The following TMCC1 variants were observed in gnomAD, a reference collection of about 807,000 sequenced individuals.
TMCC1 encodes transmembrane and coiled-coil domain family 1, also known as transmembrane and coiled-coil domains protein 1.
Under a neutral mutation model 52.4 loss-of-function variants are expected in TMCC1, and 15 were observed. The observed-to-expected ratio is 0.29, with a 90% CI of 0.19 to 0.44. The LOEUF is 0.44. TMCC1 is among the 20% of genes least tolerant of loss of function. TMCC1 has a pLI of 1.00. For synonymous variants in TMCC1, 279 were observed against 301.9 expected, an observed-to-expected ratio of 0.92 and a Z score of 0.79; for missense variants, 503 against 806.0, an observed-to-expected ratio of 0.62 and a Z score of 4.55.
chr3:129,850,264 A>C (rs952563857), intron 2 of TMCC1, among the ~76,000 whole-genome samples: 4 of 152,222 alleles, frequency 2.6e-5, no homozygotes, highest in Admixed American at 6.5e-5. Flanking sequence ...CTGGGTCAAT[A>C]AAAATTAGAA....
intron 4 of TMCC1, among the ~76,000 whole-genome samples, chr3:129,750,600 G>C (rs1405367740): frequency 1.5e-5 from 2 of 129,258 alleles, no homozygotes; most frequent in African/African-American, 5.8e-5. Context: ...TTTTGAGACA[G>C]AGTCTTGTCT....
At chr3:129,758,941 T>C (rs2053253564) in intron 4 of TMCC1, among the ~76,000 whole-genome samples, 1 of 152,242 alleles carries the variant, frequency 6.6e-6, no homozygotes, top group African/African-American at 2.4e-5. Flanking sequence ...TCATTTAGCA[T>C]GTCTTCAAGG....
intron 4 of TMCC1, among the ~76,000 whole-genome samples, chr3:129,813,507 G>A (rs6805067): frequency 0.63 from 95,493 of 151,980 alleles, 35,241 homozygotes; most frequent in Non-Finnish European, 0.83. Context: ...ATGTCCTTAC[G>A]GAGCTGGAGG....
chr3:129,725,793 C>A (rs1441017479), intron 4 of TMCC1, among the ~76,000 whole-genome samples: 1 of 151,912 alleles, frequency 6.6e-6, no homozygotes, highest in African/African-American at 2.4e-5. Context: ...TGAAAAGAAA[C>A]AACCGTACTA....
intron 4 of TMCC1, among the ~76,000 whole-genome samples, chr3:129,776,817 T>C (rs2055075558): frequency 6.6e-6 from 1 of 152,124 alleles, no homozygotes; most frequent in African/African-American, 2.4e-5. Context: ...TATTTTTTTG[T>C]AGAGATGGGT....
At chr3:129,698,313 G>T (rs921666095) in intron 4 of TMCC1, among the ~76,000 whole-genome samples, 4 of 152,038 alleles carry the variant, frequency 2.6e-5, no homozygotes, top group African/African-American at 9.7e-5. Context: ...AAAACCATCA[G>T]ATCTCATGAG....
rs1057401873 is a variant in TMCC1, at chr3:129,758,355, A to G, written c.576+69448T>C. 1.3e-5 allele frequency among the ~76,000 whole-genome samples: 2 copies of G among 152,246 alleles called. 1 individual carries two copies. The highest frequency in any genetic ancestry group is 2.9e-5 in the Non-Finnish European group (2 of 68,038). On this transcript the variant is annotated intron_variant, in intron 4 of 6. Transcript: ENST00000393238. ...AATTCATGTTTAGGTTAATAATTGT[A>G]CAGGTGGATACATAATTACAGATGT...
chr3:129,886,571 A>C (rs961181951), intron 1 of TMCC1, among the ~76,000 whole-genome samples: 2 of 152,192 alleles, frequency 1.3e-5, no homozygotes, highest in East Asian at 3.8e-4. Context: ...TTACTATGCC[A>C]TAAGAAAGGA....
chr3:129,827,830 T>C lies in TMCC1; in HGVS notation c.549A>G (p.Leu183=), dbSNP rs2058722355. 2.5e-6 allele frequency: 4 copies of C among 1,613,934 alleles called. No individual in the cohort carries two copies. In the South Asian group the frequency reaches 3.3e-5, roughly 13 times the overall value. Residue 183 remains leucine (L), a synonymous_variant, in exon 4 of 7, where the codon CTA becomes CTG. Transcript: ENST00000393238. ...CAAAAAAAAC[L]PGEEGTAERI... Reference sequence around the variant, plus strand: ...GCTCCGCAGTTCCCTCCTCTCCTGGTAGACATGCAGCAGCAGCAGCAGCAG... The same window carrying C: ...GCTCCGCAGTTCCCTCCTCTCCTGGCAGACATGCAGCAGCAGCAGCAGCAG...
At chr3:129,712,730 G>T (rs555079086) in intron 4 of TMCC1, among the ~76,000 whole-genome samples, 13 of 152,196 alleles carry the variant, frequency 8.5e-5, no homozygotes, top group African/African-American at 2.9e-4. Flanking sequence ...TGGGGTTACA[G>T]GTGTGAGCCA....
intron 4 of TMCC1, among the ~76,000 whole-genome samples, chr3:129,800,030 C>T (rs1429977711): frequency 6.6e-6 from 1 of 152,156 alleles, no homozygotes; most frequent in Non-Finnish European, 1.5e-5. Flanking sequence ...AATGTCTTCA[C>T]TGCTGTTTCC....
At chr3:129,867,116 A>C (rs1307718281) in intron 2 of TMCC1, 1 of 152,136 alleles carries the variant, frequency 6.6e-6, no homozygotes, top group Non-Finnish European at 1.5e-5. Context: ...TTAAAAAAAA[A>C]AAAACACTTC....
chr3:129,871,535 T>C (rs913252553), intron 2 of TMCC1, among the ~76,000 whole-genome samples: 6 of 152,268 alleles, frequency 3.9e-5, no homozygotes, highest in African/African-American at 1.4e-4. Flanking sequence ...AGCATACTTA[T>C]ACCATTATTC....
At chr3:129,668,055 G>T (rs6807569) in intron 5 of TMCC1, among the ~76,000 whole-genome samples, 2,117 of 152,222 alleles carry the variant, frequency 0.014, 48 homozygotes, top group African/African-American at 0.048. Flanking sequence ...AAGCGTGGTG[G>T]TGCACACCTG....
intron 2 of TMCC1, among the ~76,000 whole-genome samples, chr3:129,854,397 A>G (rs73206270): frequency 2.3e-3 from 25 of 11,044 alleles, no homozygotes; most frequent in Non-Finnish European, 5.4e-3. Context: ...CAAAAAAAAA[A>G]GAAAAAAAAA....
At chr3:129,815,189 T>C (rs1265942014) in intron 4 of TMCC1, among the ~76,000 whole-genome samples, 5 of 152,032 alleles carry the variant, frequency 3.3e-5, no homozygotes, top group Non-Finnish European at 2.9e-5. Flanking sequence ...ATAAATCATA[T>C]TAACTTTTCT....
chr3:129,770,697 C>T (rs911246840), intron 4 of TMCC1, among the ~76,000 whole-genome samples: 1 of 151,622 alleles, frequency 6.6e-6, no homozygotes, highest in Non-Finnish European at 1.5e-5. Context: ...AAAAACACTC[C>T]TAAACCATAG....
At chr3:129,872,379 T>C (rs555172938) in intron 2 of TMCC1, among the ~76,000 whole-genome samples, 42 of 152,312 alleles carry the variant, frequency 2.8e-4, no homozygotes, top group African/African-American at 9.4e-4. Flanking sequence ...GGGAGCTTAA[T>C]AGATATACAA....
At chr3:129,655,360 G>C (rs1487250591) in intron 5 of TMCC1, among the ~76,000 whole-genome samples, 1 of 152,178 alleles carries the variant, frequency 6.6e-6, no homozygotes. Context: ...GATGCCAGCA[G>C]CCCTGATTAG....
Sources: gnomAD v4.1 joint callset for allele counts (sites outside exome capture counted in the v4.1 genomes callset) on GRCh38, gnomAD v4.1.1 for gene constraint, MANE v1.5 for transcripts, NCBI Gene and HGNC (gene_info 2026-07-23, HGNC 2026-07-21) for gene names.